The following CPLANE1 variants were observed in gnomAD, a reference collection of about 807,000 sequenced individuals.
CPLANE1 encodes the protein ciliogenesis and planar polarity effector 1.
In CPLANE1, 263 loss-of-function variants were observed where a neutral mutation model predicts 362.5. That is an observed-to-expected ratio of 0.73 (90% CI 0.66 to 0.80). The LOEUF (loss-of-function observed/expected upper bound fraction) is 0.80. CPLANE1 is among the 30% of genes least tolerant of loss of function. CPLANE1 has a pLI of 0.00. For missense variants in CPLANE1, 3,461 were observed against 3,793.4 expected (o/e 0.91, Z 2.30); for synonymous variants, 1,212 against 1,302.6 (o/e 0.93, Z 1.50).
intron 8 of CPLANE1, among the ~76,000 whole-genome samples, chr5:37,235,859 T>C (rs1798863136): frequency 6.7e-6 from 1 of 149,472 alleles, no homozygotes; most frequent in Non-Finnish European, 1.5e-5. Context: ...CATGAGCCAC[T>C]GTGCCCAGCA....
At chr5:37,107,846 A>T in intron 52 of CPLANE1, 68 bp from the exon 53 acceptor site, 1 of 1,461,298 alleles carries the variant, frequency 6.8e-7, no homozygotes, top group Non-Finnish European at 9.1e-7. Flanking sequence ...AAACAAAAAA[A>T]CCTGGAACGT....
At chr5:37,129,490 A>T (rs1283317660) in intron 46 of CPLANE1, among the ~76,000 whole-genome samples, 1 of 152,220 alleles carries the variant, frequency 6.6e-6, no homozygotes, top group Non-Finnish European at 1.5e-5. Flanking sequence ...AAATCTTCAC[A>T]ATCTATACAT....
chr5:37,154,456 G>GTTATTTTTTTTTTTTTTTTTTTT (rs1457651303), intron 41 of CPLANE1, among the ~76,000 whole-genome samples: 1 of 83,128 alleles, frequency 1.2e-5, no homozygotes, highest in Non-Finnish European at 2.1e-5. Context: ...ATTTGCAATA[G>GTTATTTTTTTTTTTTTTTTTTTT]TTCTTTTTTT....
downstream of CPLANE1, among the ~76,000 whole-genome samples, chr5:37,103,744 T>C (rs1293187494): frequency 6.6e-6 from 1 of 152,252 alleles, no homozygotes; most frequent in Non-Finnish European, 1.5e-5. Context: ...ATGATGTTAG[T>C]CTGATGGGCT....
intron 25 of CPLANE1, among the ~76,000 whole-genome samples, chr5:37,184,070 T>C (rs964244776): frequency 2.4e-4 from 37 of 152,208 alleles, no homozygotes; most frequent in Admixed American, 9.2e-4. Flanking sequence ...AAGCCACTGA[T>C]ATACAACAAA....
Position 37,160,429 on chromosome 5 carries a change from C to T in CPLANE1, c.7690+2036G>A, listed in dbSNP as rs566748095. On this transcript the variant is annotated intron_variant, in intron 38 of 52. Transcript: ENST00000651892. The stretch of plus-strand genomic sequence containing the variant: ...AATTAGCCAGGCGTGGTGGAGGTCA[C>T]CTGTCAGGAGACCTTGGCTATTTGG... 6.6e-5 allele frequency among the ~76,000 whole-genome samples: 10 copies of T among 151,958 alleles called. No individual in the cohort carries two copies. In the South Asian group the frequency reaches 2.1e-3, roughly 32 times the overall value.
chr5:37,133,731 T>C (rs1290421380), intron 46 of CPLANE1, among the ~76,000 whole-genome samples: 2 of 152,234 alleles, frequency 1.3e-5, no homozygotes, highest in Non-Finnish European at 2.9e-5. Flanking sequence ...AGAGATAATC[T>C]GAATTCTTAT....
At chr5:37,174,691 T>G (rs551541734) in intron 31 of CPLANE1, among the ~76,000 whole-genome samples, 130 of 152,128 alleles carry the variant, frequency 8.5e-4, no homozygotes, top group Non-Finnish European at 1.6e-3. Flanking sequence ...AACAGATCAC[T>G]GTTTCCAAAA....
intron 20 of CPLANE1, among the ~76,000 whole-genome samples, chr5:37,196,744 G>C (rs1458796504): frequency 6.6e-6 from 1 of 152,106 alleles, no homozygotes; most frequent in Non-Finnish European, 1.5e-5. Flanking sequence ...GGCCAACATG[G>C]TGAAACTCCA....
chr5:37,114,103 G>A (rs1045782114), intron 51 of CPLANE1, among the ~76,000 whole-genome samples: 6 of 152,122 alleles, frequency 3.9e-5, no homozygotes, highest in East Asian at 3.9e-4. Context: ...GAGCCACCGC[G>A]CCCAGCCAAA....
chr5:37,111,578 G>T (rs1759356386), intron 51 of CPLANE1, among the ~76,000 whole-genome samples: 1 of 152,178 alleles, frequency 6.6e-6, no homozygotes, highest in Non-Finnish European at 1.5e-5. Context: ...CCAAAGGGAA[G>T]GGTGCAGTGG....
intron 46 of CPLANE1, among the ~76,000 whole-genome samples, chr5:37,129,760 T>C (rs541228055): frequency 1.4e-4 from 21 of 152,304 alleles, no homozygotes; most frequent in Admixed American, 3.9e-4. Flanking sequence ...TTGGCAGGGA[T>C]GCGGTTAAAA....
intron 50 of CPLANE1, among the ~76,000 whole-genome samples, chr5:37,117,787 C>T (rs886191318): frequency 2.0e-5 from 3 of 152,228 alleles, no homozygotes; most frequent in Admixed American, 2.0e-4. Flanking sequence ...CAAGCATAAT[C>T]CAGCAAGGGC....
rs1365173686 is a variant in CPLANE1 at position 37,169,307 on chromosome 5, A to G, written c.6717T>C (p.Leu2239=). The G allele has an allele frequency of 1.2e-6, 2 of 1,614,188 alleles. No homozygotes were observed. Among genetic ancestry groups the G allele is most frequent in the Non-Finnish European group, 8.5e-7 (1 of 1,180,026 alleles). ...GTGGAATACTTCCTGTATGTAAGAA[A>G]AGGGGCTGGAATTCTTGTTTAGACT... ...QFKSKQEFQP[L]FLHTGSIPQV... is the part of the protein sequence containing the mutation. The change falls in exon 34 of 53, where the codon CTT becomes CTC. Residue 2239 remains leucine, a synonymous_variant. Transcript: ENST00000651892.
chr5:37,104,486 G>A (rs1757453095), downstream of CPLANE1, among the ~76,000 whole-genome samples: 1 of 152,068 alleles, frequency 6.6e-6, no homozygotes, highest in African/African-American at 2.4e-5. Flanking sequence ...TTTAGTCCCA[G>A]CTACTCAGGA....
chr5:37,239,735 GT>G lies in CPLANE1; in HGVS notation c.811del (p.Thr271LeufsTer15). 1 of 1,533,230 alleles carries G rather than the reference GT, an allele frequency of 6.5e-7. No individual in the cohort carries two copies. Among genetic ancestry groups the G allele is most frequent in the Non-Finnish European group, 8.8e-7 (1 of 1,137,222 alleles). 95.0% of individuals were successfully genotyped at this position (1,533,230 alleles called of 1,614,324 possible). A position where few individuals can be genotyped will look rare whatever the true frequency, so the allele number is the denominator to read the frequency against. Reference sequence around the variant, plus strand: ...GACCTTGGGGTCTTTCTGATTAAGAGTTACTGCCAGGGTAAGGCCATCTCTT... The same window carrying G: ...GACCTTGGGGTCTTTCTGATTAAGAGTACTGCCAGGGTAAGGCCATCTCTT... ...FSRDGLTLAVTLNQKDPKATQ... is the reference protein window; with the variant it reads ...FSRDGLTLAVXLNQKDPKATQ... On this transcript the variant is annotated frameshift_variant, in exon 7 of 53. Coordinates refer to ENST00000651892, the MANE Select transcript of CPLANE1 (RefSeq NM_001384732.1).
rs544798456 is a variant in CPLANE1 at position 37,211,714 on chromosome 5, C to T, written c.2920+1845G>A. ...CCCGCTGAGTCTAGGCACAACCTCT[C>T]CATCCCTCCCTTCTCCAGCCCTCCG... is the stretch of plus-strand genomic sequence containing the variant. On this transcript the variant is annotated intron_variant, in intron 16 of 52. Coordinates refer to ENST00000651892, the MANE Select transcript of CPLANE1 (RefSeq NM_001384732.1). 1,527 of 779,152 alleles carry T rather than the reference C, an allele frequency of 2.0e-3. 6 individuals carry two copies. The highest frequency in any genetic ancestry group is 2.6e-3 in the Non-Finnish European group (1,098 of 419,362). The allele number at this position is 779,152 out of a possible 1,614,324, so 48.3% of individuals were successfully genotyped here.
In CPLANE1 at chr5:37,137,565, G is replaced by C. The variant is rs979989588; in HGVS notation, c.8792+1155C>G. Among the ~76,000 whole-genome samples the C allele has an allele frequency of 6.6e-5, 10 of 152,296 alleles. 1 individual carries two copies. The highest frequency in any genetic ancestry group is 6.8e-3 in the Middle Eastern group (2 of 294). ...TTACACTGCTAAATAAGACATACCT[G>C]AGACTGAACAATTTATAAACGAAAG... is the stretch of plus-strand genomic sequence containing the variant. On this transcript the variant is annotated intron_variant, in intron 46 of 52. Coordinates refer to ENST00000651892, the MANE Select transcript of CPLANE1 (RefSeq NM_001384732.1).
At chr5:37,087,388 CAG>C in the CPLANE1 span, among the ~76,000 whole-genome samples, 2 of 152,146 alleles carry the variant, frequency 1.3e-5, no homozygotes, top group African/African-American at 4.8e-5. Flanking sequence ...GCCAAAATAA[CAG>C]AGAGGAAATG....
Sources: gnomAD v4.1 joint callset for allele counts (sites outside exome capture counted in the v4.1 genomes callset) on GRCh38, gnomAD v4.1.1 for gene constraint, MANE v1.5 for transcripts, NCBI Gene and HGNC (gene_info 2026-07-23, HGNC 2026-07-21) for gene names.